Variants in EBF2 observed in about 807,000 individuals in gnomAD.
EBF2 encodes EBF transcription factor 2.
EBF2 carries 21 observed loss-of-function variants against 72.8 expected under a neutral mutation model. The observed-to-expected ratio is 0.29, with a 90% CI of 0.20 to 0.42. The LOEUF (loss-of-function observed/expected upper bound fraction) is 0.42. Among genes scored for constraint, EBF2 ranks in the 10% least tolerant of loss-of-function variants. The pLI is 1.00. For missense variants in EBF2, 637 were observed against 731.2 expected (o/e 0.87, Z 1.49); for synonymous variants, 299 against 274.2 (o/e 1.09, Z -0.89).
intron 6 of EBF2, among the ~76,000 whole-genome samples, chr8:25,925,072 C>T (rs946559139): frequency 1.3e-5 from 2 of 152,186 alleles, no homozygotes; most frequent in African/African-American, 2.4e-5. Context: ...GTTCTCACAG[C>T]TCCCCAGCAG....
At chr8:25,919,291 G>A (rs1188232569) in intron 6 of EBF2, among the ~76,000 whole-genome samples, 1 of 152,150 alleles carries the variant, frequency 6.6e-6, no homozygotes, top group Non-Finnish European at 1.5e-5. Context: ...GGAAGGGCAA[G>A]GGAAGCTTAG....
intron 6 of EBF2, among the ~76,000 whole-genome samples, chr8:25,951,853 G>A (rs545114297): frequency 4.6e-5 from 7 of 152,084 alleles, no homozygotes; most frequent in African/African-American, 1.7e-4. Flanking sequence ...AAACAAGCAA[G>A]GTCAAGATGA....
chr8:25,852,144 A>G (rs993511763), intron 14 of EBF2, among the ~76,000 whole-genome samples: 10 of 152,204 alleles, frequency 6.6e-5, no homozygotes, highest in African/African-American at 2.4e-4. Flanking sequence ...AAAGGAGAAC[A>G]AAGTTCTGGA....
At chr8:25,852,165 G>A (rs532098852) in intron 14 of EBF2, among the ~76,000 whole-genome samples, 4 of 152,316 alleles carry the variant, frequency 2.6e-5, no homozygotes, top group African/African-American at 7.2e-5. Context: ...AGAATCTCAT[G>A]TAATACTTGA....
At chr8:25,924,648 A>T (rs1803356938) in intron 6 of EBF2, among the ~76,000 whole-genome samples, 1 of 152,244 alleles carries the variant, frequency 6.6e-6, no homozygotes, top group Non-Finnish European at 1.5e-5. Flanking sequence ...TAATTGCCAG[A>T]TATATGCTAG....
At chr8:25,844,750 A>G in intron 15 of EBF2, 110 bp from the exon 16 acceptor site, 1 of 1,389,620 alleles carries the variant, frequency 7.2e-7, no homozygotes, top group Non-Finnish European at 1.0e-6. Context: ...ATGCTATTCA[A>G]GGAGATGGTG....
At chr8:25,991,368 T>A (rs2117209800) in intron 6 of EBF2, among the ~76,000 whole-genome samples, 1 of 152,322 alleles carries the variant, frequency 6.6e-6, no homozygotes. Flanking sequence ...CTATTCTGTC[T>A]AATCAGAACC....
chr8:25,934,564 T>C (rs1803541854), intron 6 of EBF2, among the ~76,000 whole-genome samples: 1 of 152,210 alleles, frequency 6.6e-6, no homozygotes, highest in Admixed American at 6.5e-5. Flanking sequence ...ACTCTGTCCA[T>C]GTCGTATCAC....
chr8:25,872,923 G>A (rs770576220), intron 10 of EBF2, among the ~76,000 whole-genome samples: 5 of 152,170 alleles, frequency 3.3e-5, no homozygotes, highest in African/African-American at 9.7e-5. Context: ...TCCTGCCCTC[G>A]TGCCACTTTA....
At chr8:26,023,600 T>C (rs186360122) in intron 6 of EBF2, among the ~76,000 whole-genome samples, 1 of 152,264 alleles carries the variant, frequency 6.6e-6, no homozygotes, top group Admixed American at 6.5e-5. Flanking sequence ...TTATAAATGG[T>C]TTGGATTCTG....
At chr8:25,887,412 T>G (rs1802710008) in intron 9 of EBF2, among the ~76,000 whole-genome samples, 1 of 152,212 alleles carries the variant, frequency 6.6e-6, no homozygotes, top group Non-Finnish European at 1.5e-5. Context: ...TTAGAACATT[T>G]TGAAATTACA....
chr8:25,999,813 T>C (rs114660953), intron 6 of EBF2, among the ~76,000 whole-genome samples: 221 of 152,236 alleles, frequency 1.5e-3, no homozygotes, highest in African/African-American at 4.3e-3. Context: ...CAGTTCTCTA[T>C]TTCCTCATCG....
intron 6 of EBF2, among the ~76,000 whole-genome samples, chr8:25,998,296 G>A (rs1033661843): frequency 4.6e-5 from 7 of 152,186 alleles, no homozygotes; most frequent in African/African-American, 1.7e-4. Context: ...CAGATGGGTG[G>A]TTCAAGCAAT....
At chr8:25,967,345 G>A (rs1804131187) in intron 6 of EBF2, among the ~76,000 whole-genome samples, 1 of 152,118 alleles carries the variant, frequency 6.6e-6, no homozygotes, top group South Asian at 2.1e-4. Context: ...ATACAATGGG[G>A]TTATATCCCA....
chr8:26,039,291 T>C (rs1805560359), intron 5 of EBF2, among the ~76,000 whole-genome samples: 1 of 152,014 alleles, frequency 6.6e-6, no homozygotes, highest in Admixed American at 6.5e-5. Flanking sequence ...GTGGAATGGA[T>C]TGATCTCTGA....
chr8:25,850,804 T>C, intron 14 of EBF2, 43 bp from the exon 15 acceptor site: 1 of 1,534,428 alleles, frequency 6.5e-7, no homozygotes, highest in Non-Finnish European at 8.7e-7. Flanking sequence ...ATTAAGATCT[T>C]CCTTCAGTTC....
At chr8:25,978,375 A>ATAAAC (rs1328324427) in intron 6 of EBF2, among the ~76,000 whole-genome samples, 1 of 152,170 alleles carries the variant, frequency 6.6e-6, no homozygotes, top group Admixed American at 6.5e-5. Context: ...CTTTCTCCCC[A>ATAAAC]AGCAATTATA....
At chr8:26,034,206 C>T (rs767801531) in intron 5 of EBF2, among the ~76,000 whole-genome samples, 10 of 152,158 alleles carry the variant, frequency 6.6e-5, no homozygotes, top group African/African-American at 9.7e-5. Flanking sequence ...CATCATTTTT[C>T]AGATGATGTA....
intron 6 of EBF2, among the ~76,000 whole-genome samples, chr8:25,940,631 A>AT (rs1256742637): frequency 6.7e-6 from 1 of 148,866 alleles, no homozygotes; most frequent in African/African-American, 2.6e-5. Flanking sequence ...TAAAAAAAAA[A>AT]ATAAAAAAAA....
Sources: allele counts gnomAD v4.1 joint callset (sites outside exome capture counted in the v4.1 genomes callset), GRCh38; gene constraint gnomAD v4.1.1; transcripts MANE v1.5; gene names NCBI Gene and HGNC (gene_info 2026-07-23, HGNC 2026-07-21).